The following HK1 variants were observed in gnomAD, a reference collection of about 807,000 sequenced individuals.
HK1 encodes the protein hexokinase-1.
Under a neutral mutation model 91.6 loss-of-function variants are expected in HK1, and 28 were observed. The ratio of observed to expected loss-of-function variants is 0.31; its 90% CI spans 0.23 to 0.42. The LOEUF is 0.42. HK1 is among the 10% of genes least tolerant of loss of function. HK1 has a pLI of 1.00. For missense variants in HK1, 770 were observed against 1,219.8 expected (o/e 0.63, Z 5.49); for synonymous variants, 430 against 468.1 (o/e 0.92, Z 1.05).
rs567660784 is a variant in HK1 at position 69,366,651 on chromosome 10, A to C, written c.495+1749A>C. Among the ~76,000 whole-genome samples the C allele has an allele frequency of 7.2e-4, 109 of 152,200 alleles. 1 individual carries two copies. Among genetic ancestry groups the C allele is most frequent in the African/African-American group, 2.5e-3 (105 of 41,544 alleles). On this transcript the variant is annotated intron_variant, in intron 4 of 17. Transcript: ENST00000359426. ...GTTATGCTTTCAGGAAGCTGTGGCC[A>C]TATGTAGACTCTTAATCTGGTTCTG...
intron 2 of HK1, among the ~76,000 whole-genome samples, chr10:69,284,718 A>C (rs1029209260): frequency 2.0e-5 from 3 of 152,198 alleles, no homozygotes; most frequent in African/African-American, 7.2e-5. Context: ...GGCTTACTGC[A>C]ACCTCCGCCT....
In HK1 at chr10:69,380,023, G is replaced by A. The variant is rs775082107; in HGVS notation, c.1193G>A (p.Arg398His). The change falls in exon 9 of 18, where the codon CGT becomes CAT. Residue 398 changes from arginine (R) to histidine (H), a missense_variant. By Grantham distance (29) the Arg-to-His change is conservative. This residue lies in a region of HK1 where 449 missense variants were observed against 665.1 expected (regional missense o/e 0.68). Coordinates refer to ENST00000359426, the MANE Select transcript of HK1 (RefSeq NM_000188.3). The surrounding 1 kb of genome is among the most constrained non-coding windows in gnomAD (Gnocchi z 4.0). The part of the protein sequence containing the change: ...ATLGAILNRL[R>H]DNKGTPRLRT... Reference sequence around the variant, plus strand: ...CTGGGCGCCATCTTGAACCGCCTGCGTGATAACAAGGGCACACCCAGGCTG... The same window carrying A: ...CTGGGCGCCATCTTGAACCGCCTGCATGATAACAAGGGCACACCCAGGCTG... 2.1e-5 allele frequency: 34 copies of A among 1,614,154 alleles called. No individual in the cohort carries two copies. The highest frequency in any genetic ancestry group is 2.6e-5 in the Non-Finnish European group (31 of 1,180,030).
At chr10:69,359,496 G>T (rs1849309486) in intron 2 of HK1, among the ~76,000 whole-genome samples, 1 of 152,192 alleles carries the variant, frequency 6.6e-6, no homozygotes, top group African/African-American at 2.4e-5. Flanking sequence ...GGCACTGGGT[G>T]GACCTCAGAT....
At chr10:69,321,389 A>G (rs1339701227) in intron 1 of HK1, among the ~76,000 whole-genome samples, 1 of 152,114 alleles carries the variant, frequency 6.6e-6, no homozygotes, top group Non-Finnish European at 1.5e-5. Flanking sequence ...CTTTCCACGT[A>G]CCACTCACCA....
intron 4 of HK1, among the ~76,000 whole-genome samples, chr10:69,365,924 C>T (rs1209122477): frequency 1.3e-5 from 2 of 152,128 alleles, no homozygotes; most frequent in Non-Finnish European, 2.9e-5. Context: ...CTCCACCTCC[C>T]AGGTTCAAGC....
intron 2 of HK1, among the ~76,000 whole-genome samples, chr10:69,345,014 G>A (rs1262708541): frequency 6.6e-6 from 1 of 151,982 alleles, no homozygotes; most frequent in African/African-American, 2.4e-5. Context: ...GAGTGATTTG[G>A]GGCATCTTGT....
At chr10:69,384,676 C>A in intron 11 of HK1, 120 bp from the exon 12 acceptor site, 1 of 1,463,812 alleles carries the variant, frequency 6.8e-7, no homozygotes, top group Non-Finnish European at 9.6e-7. Context: ...AGGAGGCTCA[C>A]TCTGCATGTG....
intron 3 of HK1, among the ~76,000 whole-genome samples, chr10:69,293,039 C>T (rs1461488670): frequency 2.0e-5 from 3 of 152,188 alleles, no homozygotes; most frequent in Non-Finnish European, 4.4e-5. Flanking sequence ...ACTGATTTGG[C>T]CTCCACTGGC....
intron 17 of HK1, among the ~76,000 whole-genome samples, chr10:69,400,124 C>T (rs917983008): frequency 6.6e-6 from 1 of 152,226 alleles, no homozygotes; most frequent in African/African-American, 2.4e-5. Flanking sequence ...TCTCATCTTC[C>T]TCATGAGGTG....
chr10:69,317,965 G>T (rs1185610673), upstream of HK1: 1 of 826,782 alleles, frequency 1.2e-6, no homozygotes, highest in Admixed American at 6.2e-5. Flanking sequence ...TAGAAAACAC[G>T]GCACCTGGGA....
chr10:69,314,325 C>A (rs1172246550), upstream of HK1, among the ~76,000 whole-genome samples: 1 of 152,196 alleles, frequency 6.6e-6, no homozygotes, highest in Admixed American at 6.5e-5. Flanking sequence ...TCACATTAGT[C>A]CAGTCTCTGG....
chr10:69,353,694 A>T, intron 2 of HK1, among the ~76,000 whole-genome samples: 1 of 151,760 alleles, frequency 6.6e-6, no homozygotes, highest in African/African-American at 2.4e-5. Flanking sequence ...AGCTGAACAC[A>T]TGGAGGTTCC....
chr10:69,388,537 A>AACAC (rs57640630), intron 13 of HK1, among the ~76,000 whole-genome samples: 11 of 151,612 alleles, frequency 7.3e-5, no homozygotes, highest in African/African-American at 2.7e-4. Context: ...TGCATATGCC[A>AACAC]ACACACACAC....
intron 3 of HK1, among the ~76,000 whole-genome samples, chr10:69,364,556 T>A (rs531473742): frequency 5.9e-5 from 9 of 152,256 alleles, no homozygotes; most frequent in Admixed American, 5.9e-4. Context: ...TTTGAATTGC[T>A]TCTTAAGAGC....
intron 1 of HK1, among the ~76,000 whole-genome samples, chr10:69,333,953 A>G (rs930598368): frequency 1.5e-4 from 23 of 152,244 alleles, no homozygotes; most frequent in African/African-American, 5.5e-4. Context: ...TCTACTAAAA[A>G]TACAAAAATT....
intron 13 of HK1, among the ~76,000 whole-genome samples, chr10:69,388,308 T>C (rs1320393649): frequency 1.3e-5 from 2 of 152,078 alleles, no homozygotes; most frequent in South Asian, 2.1e-4. Flanking sequence ...TTAGCCGTCA[T>C]AGTGGTGCAC....
In HK1 at chr10:69,395,010, C is replaced by T; in HGVS notation, c.2280C>T (p.Asp760=). ...AAATCGTCCGCAACATCTTAATCGACTTCACCAAGAAGGGATTCCTCTTCC... is the reference window on the plus strand; with the variant it reads ...AAATCGTCCGCAACATCTTAATCGATTTCACCAAGAAGGGATTCCTCTTCC... ...LGEIVRNILI[D]FTKKGFLFRG... The change falls in exon 16 of 18, where the codon GAC becomes GAT. Residue 760 remains aspartate (D), a synonymous_variant. Transcript: ENST00000359426. 6.2e-7 allele frequency: 1 copy of T among 1,614,056 alleles called. No homozygotes were observed. The highest frequency in any genetic ancestry group is 8.5e-7 in the Non-Finnish European group (1 of 1,179,944).
chr10:69,272,573 A>G (rs1402495914), intron 1 of HK1, among the ~76,000 whole-genome samples: 1 of 152,084 alleles, frequency 6.6e-6, no homozygotes, highest in Non-Finnish European at 1.5e-5. Flanking sequence ...CAGTATTTTA[A>G]GAATGTCATT....
chr10:69,398,585 TC>T lies in HK1; in HGVS notation c.2376-5del. 6.2e-7 allele frequency: 1 copy of T among 1,610,500 alleles called. No homozygotes were observed. Among genetic ancestry groups the T allele is most frequent in the Non-Finnish European group, 8.5e-7 (1 of 1,177,926 alleles). On this transcript the variant is annotated splice_polypyrimidine_tract_variant and intron_variant, in intron 16 of 17. Coordinates refer to ENST00000359426, the MANE Select transcript of HK1 (RefSeq NM_000188.3). ...GCTTCATCCAGCCCTCTGGCTCTTG[TC>T]CCCCACAGTGACCGATTAGCACTGC...
Sources: gnomAD v4.1 joint callset for allele counts (sites outside exome capture counted in the v4.1 genomes callset) on GRCh38, gnomAD v4.1.1 for gene constraint, gnomAD v4.1.1 regional missense constraint, Gnocchi (gnomAD v3.1) non-coding constraint, MANE v1.5 for transcripts, NCBI Gene and HGNC (gene_info 2026-07-23, HGNC 2026-07-21) for gene names.